NALF1: variants seen among roughly 807,000 people sequenced by gnomAD.
NALF1 encodes family with sequence similarity 155 member A.
A neutral mutation model predicts 48.4 loss-of-function variants in NALF1; 3 were observed. The ratio of observed to expected loss-of-function variants is 0.06; its 90% confidence interval spans 0.03 to 0.16. The LOEUF is 0.16. Among genes scored for constraint, NALF1 ranks in the 10% least tolerant of loss-of-function variants. The pLI, the probability that NALF1 is intolerant of heterozygous loss-of-function variation, is 1.00. For missense variants in NALF1, 526 were observed against 571.5 expected (o/e 0.92, Z 0.81); for synonymous variants, 262 against 245.7 (o/e 1.07, Z -0.62).
chr13:107,780,380 A>C (rs752475750), intron 1 of NALF1, among the ~76,000 whole-genome samples: 1 of 152,166 alleles, frequency 6.6e-6, no homozygotes, highest in African/African-American at 2.4e-5. Context: ...CCTTAGAAAA[A>C]AAGTCCTGTC....
At chr13:107,339,027 G>T (rs568382280) in intron 1 of NALF1, among the ~76,000 whole-genome samples, 1 of 151,588 alleles carries the variant, frequency 6.6e-6, no homozygotes, top group Non-Finnish European at 1.5e-5. Flanking sequence ...CCAGGTACTC[G>T]GGAGGCTGAG....
intron 2 of NALF1, among the ~76,000 whole-genome samples, chr13:107,206,783 C>T (rs947660456): frequency 2.6e-5 from 4 of 152,160 alleles, no homozygotes; most frequent in African/African-American, 9.7e-5. Flanking sequence ...AACTGATGCT[C>T]ACATGGACAG....
In NALF1 at chr13:107,378,473, G is replaced by A. The variant is rs540693914; in HGVS notation, c.916-167718C>T. ...AGTCAATTTTAATGAAAAACTACAC[G>A]TTCAGATTAAACATACATGTACATA... On this transcript the variant is annotated intron_variant, in intron 1 of 2. Coordinates refer to ENST00000375915, the MANE Select transcript of NALF1 (RefSeq NM_001080396.3). Among the ~76,000 whole-genome samples the A allele has an allele frequency of 3.8e-4, 58 of 151,844 alleles. 1 individual carries two copies. Among genetic ancestry groups the A allele is most frequent in the Admixed American group, 1.4e-3 (22 of 15,238 alleles).
At chr13:107,595,051 A>T (rs1005616693) in intron 1 of NALF1, among the ~76,000 whole-genome samples, 1 of 152,148 alleles carries the variant, frequency 6.6e-6, no homozygotes, top group African/African-American at 2.4e-5. Context: ...TTATTTTAGC[A>T]TGCATACAGA....
chr13:107,864,924 A>T (rs1880668226), intron 1 of NALF1, among the ~76,000 whole-genome samples: 1 of 152,188 alleles, frequency 6.6e-6, no homozygotes, highest in African/African-American at 2.4e-5. Flanking sequence ...TACATCATCA[A>T]CGTTTTGCTA....
intron 1 of NALF1, among the ~76,000 whole-genome samples, chr13:107,508,678 G>A (rs2139085274): frequency 6.6e-6 from 1 of 152,000 alleles, no homozygotes; most frequent in Admixed American, 6.6e-5. Flanking sequence ...TGCTAAAAAA[G>A]CAGCTTCACA....
intron 1 of NALF1, among the ~76,000 whole-genome samples, chr13:107,223,024 A>C (rs1277107714): frequency 2.0e-5 from 3 of 152,190 alleles, no homozygotes; most frequent in African/African-American, 7.2e-5. Context: ...TTTCTCCGAT[A>C]CATTTTTTTA....
At chr13:107,549,149 A>G (rs1877219554) in intron 1 of NALF1, among the ~76,000 whole-genome samples, 1 of 152,180 alleles carries the variant, frequency 6.6e-6, no homozygotes, top group Non-Finnish European at 1.5e-5. Flanking sequence ...TGCTAAATGC[A>G]AAGAAGCTTA....
chr13:107,555,466 T>C (rs1877439229), intron 1 of NALF1, among the ~76,000 whole-genome samples: 1 of 129,194 alleles, frequency 7.7e-6, no homozygotes, highest in South Asian at 2.7e-4. Flanking sequence ...TTTTTTTTTT[T>C]GTATTTTTAG....
intron 1 of NALF1, among the ~76,000 whole-genome samples, chr13:107,662,765 G>A (rs577023193): frequency 8.6e-4 from 131 of 152,204 alleles, no homozygotes; most frequent in African/African-American, 3.1e-3. Context: ...ATTTTCTAAT[G>A]AAGAGATAAT....
chr13:107,804,040 C>G (rs555752665), intron 1 of NALF1, among the ~76,000 whole-genome samples: 2 of 152,166 alleles, frequency 1.3e-5, no homozygotes, highest in African/African-American at 2.4e-5. Flanking sequence ...CCCACTCCCC[C>G]ACCCCAGTGT....
chr13:107,865,356 T>C (rs1313458418), intron 1 of NALF1, among the ~76,000 whole-genome samples: 2 of 152,150 alleles, frequency 1.3e-5, no homozygotes, highest in Admixed American at 1.3e-4. Flanking sequence ...GACAAGACTT[T>C]TTCAACTTCC....
At chr13:107,384,345 T>C (rs1003433638) in intron 1 of NALF1, among the ~76,000 whole-genome samples, 1 of 152,200 alleles carries the variant, frequency 6.6e-6, no homozygotes, top group Non-Finnish European at 1.5e-5. Context: ...CTAATGTCCA[T>C]GTACCTTTAC....
At chr13:107,319,592 C>T (rs994268388) in intron 1 of NALF1, among the ~76,000 whole-genome samples, 1 of 152,016 alleles carries the variant, frequency 6.6e-6, no homozygotes, top group South Asian at 2.1e-4. Context: ...AAAAGAAACA[C>T]ATATAAATAT....
intron 1 of NALF1, among the ~76,000 whole-genome samples, chr13:107,601,952 T>G (rs923335387): frequency 6.6e-6 from 1 of 152,200 alleles, no homozygotes; most frequent in Admixed American, 6.5e-5. Flanking sequence ...TATCCTTTTT[T>G]GTTTTAATGC....
At chr13:107,230,328 T>G (rs1432415375) in intron 1 of NALF1, among the ~76,000 whole-genome samples, 1 of 152,090 alleles carries the variant, frequency 6.6e-6, no homozygotes, top group African/African-American at 2.4e-5. Context: ...GCACCTTTAT[T>G]TTTCTCTCCC....
chr13:107,628,476 G>A (rs564337213), intron 1 of NALF1, among the ~76,000 whole-genome samples: 7 of 152,170 alleles, frequency 4.6e-5, no homozygotes, highest in African/African-American at 1.7e-4. Flanking sequence ...AGGCTCAGTT[G>A]GAAACTGAGG....
intron 1 of NALF1, among the ~76,000 whole-genome samples, chr13:107,608,426 C>A (rs1879131437): frequency 6.6e-6 from 1 of 152,078 alleles, no homozygotes. Context: ...AGAGATCTGC[C>A]CAATATGCAG....
At chr13:107,177,220 CA>C (rs56831451) in intron 2 of NALF1, among the ~76,000 whole-genome samples, 50 of 151,842 alleles carry the variant, frequency 3.3e-4, no homozygotes, top group Admixed American at 3.1e-3. Context: ...AAAGAGGACA[CA>C]AAAAAATGGA....
Sources: gnomAD v4.1 joint callset for allele counts (sites outside exome capture counted in the v4.1 genomes callset) on GRCh38, gnomAD v4.1.1 for gene constraint, MANE v1.5 for transcripts, NCBI Gene and HGNC (gene_info 2026-07-23, HGNC 2026-07-21) for gene names.